FAM110B: variants seen among roughly 807,000 people sequenced by gnomAD.
FAM110B encodes the protein protein FAM110B.
Under a neutral mutation model 20.4 loss-of-function variants are expected in FAM110B, and 6 were observed. The observed-to-expected ratio is 0.29, with a 90% CI of 0.16 to 0.58. The LOEUF (loss-of-function observed/expected upper bound fraction) is 0.58, where lower values mean the gene tolerates loss of function less well. Among genes scored for constraint, FAM110B ranks in the 20% least tolerant of loss-of-function variants. The probability of loss-of-function intolerance (pLI) is 0.90; values close to 1 mark genes in which losing one functional copy is unlikely to be tolerated. For missense variants in FAM110B, 434 were observed against 498.2 expected, an observed-to-expected ratio of 0.87 and a Z score of 1.23; for synonymous variants, 226 against 214.1, an observed-to-expected ratio of 1.06 and a Z score of -0.49.
chr8:58,004,899 T>C (rs1257301012), intron 1 of FAM110B, among the ~76,000 whole-genome samples: 5 of 152,244 alleles, frequency 3.3e-5, no homozygotes, highest in Admixed American at 3.3e-4. Context: ...TTTAATTTTT[T>C]ATCCAGACCA....
At chr8:58,041,640 C>T (rs920083477) in intron 2 of FAM110B, among the ~76,000 whole-genome samples, 1 of 152,200 alleles carries the variant, frequency 6.6e-6, no homozygotes, top group African/African-American at 2.4e-5. Context: ...GCACACTACC[C>T]TGCATGGTAA....
Position 58,121,821 on chromosome 8 carries a change from T to C in FAM110B, c.-324-24086T>C, listed in dbSNP as rs369786947. Among the ~76,000 whole-genome samples, 4 of 152,348 alleles carry C rather than the reference T, an allele frequency of 2.6e-5. No homozygotes were observed. The East Asian group carries it at 5.8e-4, about 22-fold the overall frequency. On this transcript the variant is annotated intron_variant, in intron 3 of 3. Transcript: ENST00000519262. ...CATACAGACCTCTTTCCTGTATCTC[T>C]ATTCCAGGGTCATTTCAGGGCCAGT...
intron 2 of FAM110B, among the ~76,000 whole-genome samples, chr8:58,040,488 A>T (rs767989987): frequency 4.6e-5 from 7 of 152,206 alleles, no homozygotes; most frequent in Admixed American, 2.6e-4. Flanking sequence ...CAGGCACTCC[A>T]GGGCCGCTCT....
intron 3 of FAM110B, among the ~76,000 whole-genome samples, chr8:58,138,422 C>A (rs1434414646): frequency 6.6e-6 from 1 of 152,180 alleles, no homozygotes; most frequent in African/African-American, 2.4e-5. Context: ...CCTGTGTGAT[C>A]TGGTTAGAGA....
chr8:58,008,605 C>T (rs559473967), intron 1 of FAM110B, among the ~76,000 whole-genome samples: 1 of 152,202 alleles, frequency 6.6e-6, no homozygotes, highest in African/African-American at 2.4e-5. Flanking sequence ...TCAGAATCCT[C>T]TCTTCTAGCT....
chr8:58,035,377 A>G (rs923051377), intron 2 of FAM110B, among the ~76,000 whole-genome samples: 1 of 152,230 alleles, frequency 6.6e-6, no homozygotes, highest in Non-Finnish European at 1.5e-5. Flanking sequence ...ATTTTCCTCT[A>G]CTTTGAACTA....
chr8:58,078,128 T>C (rs572299960), intron 3 of FAM110B, among the ~76,000 whole-genome samples: 3 of 152,368 alleles, frequency 2.0e-5, no homozygotes, highest in African/African-American at 7.2e-5. Flanking sequence ...CCTTATGAAT[T>C]CATATGCATT....
chr8:58,006,467 A>T (rs1271675509), intron 1 of FAM110B, among the ~76,000 whole-genome samples: 1 of 152,166 alleles, frequency 6.6e-6, no homozygotes, highest in Non-Finnish European at 1.5e-5. Flanking sequence ...CAGTAGGCTG[A>T]CTGTGGGTCT....
rs1438935240 is a variant in FAM110B, at chr8:58,147,921, CA to C, written c.*580del. 5.9e-6 allele frequency: 1 copy of C among 169,410 alleles called. No individual in the cohort carries two copies. The highest frequency in any genetic ancestry group is 1.9e-4 in the East Asian group (1 of 5,214). The allele number at this position is 169,410 out of a possible 1,614,324, so 10.5% of individuals were successfully genotyped here. On this transcript the variant is annotated 3_prime_UTR_variant, in exon 4 of 4. Transcript: ENST00000519262. ...CTTAGTGAAGCAGTCATTGGGGTAA[CA>C]ATGCTACGTTTTGTGTCCGATTCAG...
chr8:58,084,582 G>T (rs933269755), intron 3 of FAM110B, among the ~76,000 whole-genome samples: 1 of 152,042 alleles, frequency 6.6e-6, no homozygotes, highest in Non-Finnish European at 1.5e-5. Context: ...TAGAGACAGG[G>T]TTTCACCATG....
chr8:58,103,917 G>C (rs1485513077), intron 3 of FAM110B, among the ~76,000 whole-genome samples: 1 of 152,224 alleles, frequency 6.6e-6, no homozygotes, highest in Non-Finnish European at 1.5e-5. Context: ...CTAGAGCACA[G>C]TCCCATAGTA....
At chr8:58,017,286 C>T (rs1804658748) in intron 1 of FAM110B, among the ~76,000 whole-genome samples, 1 of 152,304 alleles carries the variant, frequency 6.6e-6, no homozygotes, top group East Asian at 1.9e-4. Context: ...AAGAGACTGG[C>T]TGAGGGATAT....
chr8:58,020,264 A>G (rs969694618), intron 1 of FAM110B, among the ~76,000 whole-genome samples: 3 of 152,178 alleles, frequency 2.0e-5, no homozygotes, highest in Admixed American at 6.5e-5. Flanking sequence ...TAGTGAGCTC[A>G]CTAAGTGAGT....
intron 3 of FAM110B, among the ~76,000 whole-genome samples, chr8:58,143,611 A>G (rs544838195): frequency 4.6e-5 from 7 of 152,352 alleles, no homozygotes; most frequent in Non-Finnish European, 7.3e-5. Flanking sequence ...GCAGTGTGCA[A>G]GGAAGACAAG....
At chr8:58,013,860 T>A (rs7832353) in intron 1 of FAM110B, among the ~76,000 whole-genome samples, 18,586 of 152,204 alleles carry the variant, frequency 0.12, 1,912 homozygotes, top group African/African-American at 0.27. Context: ...CACTTCTCTC[T>A]TTAACACCAA....
intron 1 of FAM110B, among the ~76,000 whole-genome samples, chr8:58,007,396 A>G (rs1431500340): frequency 6.6e-6 from 1 of 152,202 alleles, no homozygotes; most frequent in African/African-American, 2.4e-5. Context: ...GCATCAGTGG[A>G]ACAAAGATAC....
intron 3 of FAM110B, among the ~76,000 whole-genome samples, chr8:58,109,582 G>A (rs979582356): frequency 1.3e-5 from 2 of 152,138 alleles, no homozygotes; most frequent in African/African-American, 2.4e-5. Context: ...GGGGAGGAAG[G>A]CTTGTTGATG....
At chr8:58,122,080 T>C (rs995542984) in intron 3 of FAM110B, among the ~76,000 whole-genome samples, 2 of 152,230 alleles carry the variant, frequency 1.3e-5, no homozygotes, top group African/African-American at 4.8e-5. Flanking sequence ...ATCTTTATTC[T>C]ATCCTTCTGC....
chr8:58,047,591 C>CT (rs370290365), intron 2 of FAM110B, among the ~76,000 whole-genome samples: 1 of 74,646 alleles, frequency 1.3e-5, no homozygotes, highest in East Asian at 4.5e-4. Context: ...CTTCCTTTTT[C>CT]CTCTCTCTCT....
Sources: allele counts gnomAD v4.1 joint callset (sites outside exome capture counted in the v4.1 genomes callset), GRCh38; gene constraint gnomAD v4.1.1; transcripts MANE v1.5; gene names NCBI Gene and HGNC (gene_info 2026-07-23, HGNC 2026-07-21).